Variants in CX3CL1 observed in about 807,000 individuals in gnomAD.
CX3CL1 encodes the protein fractalkine.
A neutral mutation model predicts 14.1 loss-of-function variants in CX3CL1; 1 was observed. That is an observed-to-expected ratio of 0.07 (90% CI 0.03 to 0.34). The LOEUF (loss-of-function observed/expected upper bound fraction) is 0.34, where lower values mean the gene tolerates loss of function less well. Ranked by LOEUF, CX3CL1 falls within the 10% of genes least tolerant of loss-of-function variation. CX3CL1 has a pLI of 0.99. For missense variants in CX3CL1, 505 were observed against 536.4 expected, an observed-to-expected ratio of 0.94 and a Z score of 0.58; for synonymous variants, 255 against 229.6, an observed-to-expected ratio of 1.11 and a Z score of -1.00.
chr16:57,383,014 T>C lies in CX3CL1; in HGVS notation c.1176T>C (p.Tyr392=). ...CCCGGAGCTGTGGTAGTAATTCATA[T>C]GTCCTGGTGCCCGTGTGAACTCCTC... is the stretch of plus-strand genomic sequence containing the variant. ...YIPRSCGSNS[Y]VLVPV The change falls in exon 3 of 3, where the codon TAT becomes TAC. Residue 392 remains tyrosine (Y), a synonymous_variant. Coordinates refer to ENST00000006053, the MANE Select transcript of CX3CL1 (RefSeq NM_002996.6). 2 of 1,491,888 alleles carry C rather than the reference T, an allele frequency of 1.3e-6. No individual in the cohort carries two copies. The highest frequency in any genetic ancestry group is 1.4e-5 in the South Asian group (1 of 70,976). 92.4% of individuals were successfully genotyped at this position (1,491,888 alleles called of 1,614,324 possible). A position where few individuals can be genotyped will look rare whatever the true frequency, so the allele number is the denominator to read the frequency against.
chr16:57,372,870 G>T (rs1902198492), intron 1 of CX3CL1, among the ~76,000 whole-genome samples: 1 of 152,220 alleles, frequency 6.6e-6, no homozygotes, highest in Non-Finnish European at 1.5e-5. Flanking sequence ...AGCGAGCAAA[G>T]TGGCTGTGCC....
Position 57,382,112 on chromosome 16 carries a change from C to G in CX3CL1, c.274C>G (p.Gln92Glu), listed in dbSNP as rs1283530445. 7.4e-6 allele frequency: 12 copies of G among 1,613,958 alleles called. No individual in the cohort carries two copies. The highest frequency in any genetic ancestry group is 3.3e-5 in the Admixed American group (2 of 59,996). ...GGACGCGATGCAGCATCTGGACCGCCAGGCTGCTGCCCTAACTCGAAATGG... is the reference window on the plus strand; with the variant it reads ...GGACGCGATGCAGCATCTGGACCGCGAGGCTGCTGCCCTAACTCGAAATGG... ...VKDAMQHLDR[Q>E]AAALTRNGGT... Residue 92 changes from glutamine (Q) to glutamate (E), a missense_variant, in exon 3 of 3, where the codon CAG becomes GAG. Transcript: ENST00000006053. This position sits in a 1 kb window ranked among gnomAD's most constrained non-coding sequence, Gnocchi z 6.9.
At position 57,382,826 on chromosome 16, in the gene CX3CL1, C is replaced by T; in HGVS notation, c.988C>T (p.Pro330Ser). ...DPQRLGVLIT[P>S]VPDAQAATRR... Reference sequence around the variant, plus strand: ...CCAGAGGCTGGGCGTCCTTATCACTCCTGTCCCTGACGCCCAGGCTGCCAC... The same window carrying T: ...CCAGAGGCTGGGCGTCCTTATCACTTCTGTCCCTGACGCCCAGGCTGCCAC... The change falls in exon 3 of 3, where the codon CCT (proline) becomes TCT (serine). Residue 330 changes from proline to serine, a missense_variant. Coordinates refer to ENST00000006053, the MANE Select transcript of CX3CL1 (RefSeq NM_002996.6). This position sits in a 1 kb window ranked among gnomAD's most constrained non-coding sequence, Gnocchi z 6.9. The T allele has an allele frequency of 2.5e-6, 4 of 1,574,550 alleles. No individual in the cohort carries two copies. The highest frequency in any genetic ancestry group is 3.5e-6 in the Non-Finnish European group (4 of 1,156,808).
Position 57,382,973 on chromosome 16 carries a change from G to A in CX3CL1, c.1135G>A (p.Gly379Ser). 6.6e-7 allele frequency: 1 copy of A among 1,506,732 alleles called. No individual in the cohort carries two copies. The highest frequency in any genetic ancestry group is 8.9e-7 in the Non-Finnish European group (1 of 1,125,706). The allele number at this position is 1,506,732 out of a possible 1,614,324, so 93.3% of individuals were successfully genotyped here. A position where few individuals can be genotyped will look rare whatever the true frequency, so the allele number is the denominator to read the frequency against. ...PRKMAGEMAEGLRYIPRSCGS... is the reference protein window; with the variant it reads ...PRKMAGEMAESLRYIPRSCGS... ...AAAGATGGCAGGAGAGATGGCGGAG[G>A]GCCTTCGCTACATCCCCCGGAGCTG... Residue 379 changes from glycine to serine, a missense_variant, in exon 3 of 3, where the codon GGC becomes AGC. Coordinates refer to ENST00000006053, the MANE Select transcript of CX3CL1 (RefSeq NM_002996.6). This position sits in a 1 kb window ranked among gnomAD's most constrained non-coding sequence, Gnocchi z 6.9.
chr16:57,380,812 C>T (rs1902309306), intron 2 of CX3CL1, among the ~76,000 whole-genome samples: 1 of 152,116 alleles, frequency 6.6e-6, no homozygotes, highest in Non-Finnish European at 1.5e-5. Flanking sequence ...CTTTTGGGAC[C>T]TAAAGCAGCC....
chr16:57,382,257 C>A lies in CX3CL1; in HGVS notation c.419C>A (p.Pro140Gln), dbSNP rs200354035. ...EATGESSSLE[P>Q]TPSSQEAQRA... ...ACAGGCGAAAGCAGTAGCCTGGAGCCGACTCCTTCTTCCCAGGAAGCACAG... is the reference window on the plus strand; with the variant it reads ...ACAGGCGAAAGCAGTAGCCTGGAGCAGACTCCTTCTTCCCAGGAAGCACAG... Residue 140 changes from proline to glutamine, a missense_variant, in exon 3 of 3, where the codon CCG becomes CAG. By Grantham distance (76) the Pro-to-Gln change is moderately conservative (BLOSUM62 -1). Transcript: ENST00000006053. This position sits in a 1 kb window ranked among gnomAD's most constrained non-coding sequence, Gnocchi z 6.9. The A allele has an allele frequency of 1.2e-4, 190 of 1,609,528 alleles. 1 individual carries two copies. Among genetic ancestry groups the A allele is most frequent in the Admixed American group, 8.4e-5 (5 of 59,856 alleles).
In CX3CL1 at chr16:57,372,521, T is replaced by C. The variant is rs762681637; in HGVS notation, c.-48T>C. ...ACAGCACTGAGCTCTGCCGCCTGGC[T>C]CTAGCCGCCTGCCTGGCCCCCGCCG... is the stretch of plus-strand genomic sequence containing the variant. On this transcript the variant is annotated 5_prime_UTR_variant, in exon 1 of 3. Coordinates refer to ENST00000006053, the MANE Select transcript of CX3CL1 (RefSeq NM_002996.6). 6 of 1,579,506 alleles carry C rather than the reference T, an allele frequency of 3.8e-6. No homozygotes were observed. The Admixed American group carries it at 8.4e-5, about 22-fold the overall frequency.
chr16:57,373,731 G>A (rs1458428273), intron 1 of CX3CL1, among the ~76,000 whole-genome samples: 2 of 152,170 alleles, frequency 1.3e-5, no homozygotes, highest in East Asian at 1.9e-4. Flanking sequence ...AGGTGTCTGC[G>A]GACAGTGAGA....
At position 57,382,894 on chromosome 16, in the gene CX3CL1, C is replaced by T. The variant is rs1207121790; in HGVS notation, c.1056C>T (p.Leu352=). The change falls in exon 3 of 3, where the codon CTC becomes CTT. Residue 352 remains leucine, a synonymous_variant. Transcript: ENST00000006053. This position sits in a 1 kb window ranked among gnomAD's most constrained non-coding sequence, Gnocchi z 6.9. ...GGCTGCTGGCCTTCCTTGGCCTCCTCTTCTGCCTGGGGGTGGCCATGTTCA... is the reference window on the plus strand; with the variant it reads ...GGCTGCTGGCCTTCCTTGGCCTCCTTTTCTGCCTGGGGGTGGCCATGTTCA... ...AVGLLAFLGL[L]FCLGVAMFTY... The T allele has an allele frequency of 3.2e-6, 5 of 1,558,492 alleles. No individual in the cohort carries two copies. The highest frequency in any genetic ancestry group is 2.4e-5 in the South Asian group (2 of 83,190).
chr16:57,375,842 T>A (rs1367664596), intron 1 of CX3CL1, among the ~76,000 whole-genome samples: 1 of 152,168 alleles, frequency 6.6e-6, no homozygotes, highest in Non-Finnish European at 1.5e-5. Flanking sequence ...CTCTCCCTCA[T>A]GTAAACCCCA....
In CX3CL1 at chr16:57,379,685, C is replaced by T; in HGVS notation, c.122C>T (p.Ser41Leu). The T allele has an allele frequency of 6.2e-7, 1 of 1,614,236 alleles. No homozygotes were observed. The highest frequency in any genetic ancestry group is 8.5e-7 in the Non-Finnish European group (1 of 1,180,020). The part of the protein sequence containing the change: ...KCNITCSKMT[S>L]KIPVALLIHY... ...AACATCACGTGCAGCAAGATGACATCAAAGATACCTGTAGCTTTGCTCATC... is the reference window on the plus strand; with the variant it reads ...AACATCACGTGCAGCAAGATGACATTAAAGATACCTGTAGCTTTGCTCATC... Residue 41 changes from serine (S) to leucine (L), a missense_variant, in exon 2 of 3, where the codon TCA becomes TTA. Coordinates refer to ENST00000006053, the MANE Select transcript of CX3CL1 (RefSeq NM_002996.6).
At chr16:57,373,683 C>T (rs1902208217) in intron 1 of CX3CL1, among the ~76,000 whole-genome samples, 1 of 152,186 alleles carries the variant, frequency 6.6e-6, no homozygotes, top group Non-Finnish European at 1.5e-5. Flanking sequence ...CAAATTCCTG[C>T]TGGCTTCCTG....
rs760636752 is a variant in CX3CL1 at position 57,382,510 on chromosome 16, C to G, written c.672C>G (p.Pro224=). The G allele has an allele frequency of 8.1e-6, 13 of 1,613,378 alleles. No individual in the cohort carries two copies. Among genetic ancestry groups the G allele is most frequent in the Non-Finnish European group, 1.0e-5 (12 of 1,179,884 alleles). The change falls in exon 3 of 3, where the codon CCC becomes CCG. Residue 224 remains proline, a synonymous_variant. Transcript: ENST00000006053. This position sits in a 1 kb window ranked among gnomAD's most constrained non-coding sequence, Gnocchi z 6.9. ...CTGAGGCCCCGTCCACCCAGGACCC[C>G]TCCACCCAGGCCTCCACTGCGTCCT... The part of the protein sequence containing the change: ...KTSEAPSTQD[P]STQASTASSP...
intron 1 of CX3CL1, among the ~76,000 whole-genome samples, chr16:57,374,546 A>C (rs999674560): frequency 1.3e-5 from 2 of 152,122 alleles, no homozygotes; most frequent in Non-Finnish European, 2.9e-5. Context: ...TAAATTCAAG[A>C]GTGTCAGATC....
intron 1 of CX3CL1, among the ~76,000 whole-genome samples, chr16:57,375,341 T>G (rs1902232730): frequency 6.6e-6 from 1 of 152,020 alleles, no homozygotes; most frequent in East Asian, 1.9e-4. Context: ...TATGGGCCAT[T>G]TGGCAATTTC....
chr16:57,379,290 C>T (rs751939475), intron 1 of CX3CL1: 31 of 330,620 alleles, frequency 9.4e-5, no homozygotes, highest in Non-Finnish European at 1.6e-4. Context: ...CATGCCATTG[C>T]ACTCCAGCCT....
In CX3CL1 at chr16:57,382,906, G is replaced by A. The variant is rs1358662215; in HGVS notation, c.1068G>A (p.Gly356=). ...LAFLGLLFCL[G]VAMFTYQSLQ... ...TCCTTGGCCTCCTCTTCTGCCTGGG[G>A]GTGGCCATGTTCACCTACCAGAGCC... The change falls in exon 3 of 3, where the codon GGG becomes GGA. Residue 356 remains glycine, a synonymous_variant. Transcript: ENST00000006053. The surrounding 1 kb of genome is among the most constrained non-coding windows in gnomAD (Gnocchi z 6.9). 1.3e-6 allele frequency: 2 copies of A among 1,552,906 alleles called. No homozygotes were observed. The highest frequency in any genetic ancestry group is 8.7e-7 in the Non-Finnish European group (1 of 1,147,294).
At chr16:57,381,998 C>A in intron 2 of CX3CL1, 32 bp from the exon 3 acceptor site, 1 of 1,546,470 alleles carries the variant, frequency 6.5e-7, no homozygotes, top group African/African-American at 1.4e-5. Context: ...GGTATCTGGG[C>A]ATAACCGAAT....
In CX3CL1 at chr16:57,372,958, C is replaced by A. The variant is rs1182986942; in HGVS notation, c.70+320C>A. Among the ~76,000 whole-genome samples, 4 of 152,232 alleles carry A rather than the reference C, an allele frequency of 2.6e-5. No homozygotes were observed. The East Asian group carries it at 7.7e-4, about 29-fold the overall frequency. ...GCCAGGAGGGCGGGGGTGGAGAGAGCCTGCAGAAGCTCCTGCTGGGCACTG... is the reference window on the plus strand; with the variant it reads ...GCCAGGAGGGCGGGGGTGGAGAGAGACTGCAGAAGCTCCTGCTGGGCACTG... On this transcript the variant is annotated intron_variant, in intron 1 of 2. Transcript: ENST00000006053.
Sources: allele counts gnomAD v4.1 joint callset (sites outside exome capture counted in the v4.1 genomes callset), GRCh38; gene constraint gnomAD v4.1.1; non-coding constraint Gnocchi (gnomAD v3.1); transcripts MANE v1.5; gene names NCBI Gene and HGNC (gene_info 2026-07-23, HGNC 2026-07-21).